The following PXK variants were observed in gnomAD, a reference collection of about 807,000 sequenced individuals.
PXK encodes the protein PX domain-containing protein kinase-like protein.
A neutral mutation model predicts 84.7 loss-of-function variants in PXK; 35 were observed. The observed-to-expected ratio is 0.41, with a 90% CI of 0.32 to 0.55. The LOEUF (loss-of-function observed/expected upper bound fraction) is 0.55. Ranked by LOEUF, PXK falls within the 20% of genes least tolerant of loss-of-function variation. PXK has a pLI of 0.21. For synonymous variants in PXK, 253 were observed against 260.8 expected (o/e 0.97, Z 0.29); for missense variants, 634 against 699.7 (o/e 0.91, Z 1.06).
intron 1 of PXK, among the ~76,000 whole-genome samples, chr3:58,355,735 T>C (rs2098062742): frequency 6.6e-6 from 1 of 152,200 alleles, no homozygotes; most frequent in South Asian, 2.1e-4. Context: ...CCCCCACCTC[T>C]GCACCCTCAG....
intron 1 of PXK, among the ~76,000 whole-genome samples, chr3:58,360,251 G>C (rs1205345791): frequency 6.6e-6 from 1 of 152,140 alleles, no homozygotes; most frequent in Non-Finnish European, 1.5e-5. Context: ...GTTGAACGTT[G>C]AATGTACCAT....
In PXK at chr3:58,347,924, G is replaced by GT. The variant is rs201225897; in HGVS notation, c.102+14841dup. On this transcript the variant is annotated intron_variant, in intron 1 of 17. Coordinates refer to ENST00000356151, the MANE Select transcript of PXK (RefSeq NM_017771.5). Reference sequence around the variant, plus strand: ...CTATGAGGCTAATGAACTTTGTTTTGTTTTTTTGAGACTGAGTCTCACTCT... The same window carrying GT: ...CTATGAGGCTAATGAACTTTGTTTTGTTTTTTTTGAGACTGAGTCTCACTCT... 8.3e-3 allele frequency among the ~76,000 whole-genome samples: 1,268 copies of GT among 152,126 alleles called. 19 individuals are homozygous for GT. The highest frequency in any genetic ancestry group is 0.029 in the African/African-American group (1,214 of 41,516).
chr3:58,350,446 C>G (rs1208767752), intron 1 of PXK, among the ~76,000 whole-genome samples: 1 of 152,096 alleles, frequency 6.6e-6, no homozygotes, highest in African/African-American at 2.4e-5. Context: ...GTCAGCTTCC[C>G]CCTGACTTGA....
chr3:58,345,373 G>T (rs982765155), intron 1 of PXK, among the ~76,000 whole-genome samples: 11 of 152,160 alleles, frequency 7.2e-5, no homozygotes, highest in Admixed American at 2.6e-4. Context: ...ATTTTATTTA[G>T]ATCAGTATAT....
chr3:58,384,725 T>C (rs1402719192), intron 4 of PXK, among the ~76,000 whole-genome samples: 1 of 152,206 alleles, frequency 6.6e-6, no homozygotes, highest in Non-Finnish European at 1.5e-5. Flanking sequence ...AATGTTCTCC[T>C]GAGGGCAAGC....
chr3:58,355,218 G>A (rs2098047013), intron 1 of PXK, among the ~76,000 whole-genome samples: 2 of 152,286 alleles, frequency 1.3e-5, no homozygotes, highest in Non-Finnish European at 2.9e-5. Context: ...GAGGGCACAA[G>A]TGTAGGTATC....
At chr3:58,394,891 CAATT>C (rs760834713) in intron 7 of PXK, 103 bp from the exon 8 acceptor site, 1 of 749,592 alleles carries the variant, frequency 1.3e-6, no homozygotes. Flanking sequence ...CATTCGTATG[CAATT>C]AAACCACCAC....
Position 58,407,084 on chromosome 3 carries a change from G to A in PXK, c.1231-1840G>A, listed in dbSNP as rs2059515454. Among the ~76,000 whole-genome samples the A allele has an allele frequency of 6.6e-6, 1 of 152,118 alleles. No homozygotes were observed. Among genetic ancestry groups the A allele is most frequent in the Non-Finnish European group, 1.5e-5 (1 of 68,014 alleles). ...TTCTTTTGGATGTATACCCAGAAGT[G>A]GAATTCCTCATATGGTAGTTCCATT... On this transcript the variant is annotated intron_variant, in intron 13 of 17. Coordinates refer to ENST00000356151, the MANE Select transcript of PXK (RefSeq NM_017771.5). This position sits in a 1 kb window ranked among gnomAD's most constrained non-coding sequence, Gnocchi z 4.3.
rs1456875123 is a variant in PXK at position 58,398,862 on chromosome 3, T to C, written c.1103-437T>C. ...GTGGGTAGAAAAATCTGGCTGCTCC[T>C]GTTAATAGCATCCAAGGTGTTGGAT... On this transcript the variant is annotated intron_variant, in intron 11 of 17. Transcript: ENST00000356151. The surrounding 1 kb of genome is among the most constrained non-coding windows in gnomAD (Gnocchi z 4.5). Among the ~76,000 whole-genome samples, 1 of 152,238 alleles carries C rather than the reference T, an allele frequency of 6.6e-6. No individual in the cohort carries two copies. The highest frequency in any genetic ancestry group is 2.4e-5 in the African/African-American group (1 of 41,464).
At chr3:58,417,583 C>T (rs183349133) in intron 17 of PXK, among the ~76,000 whole-genome samples, 14 of 152,284 alleles carry the variant, frequency 9.2e-5, no homozygotes, top group African/African-American at 3.1e-4. Context: ...GTGGGATTCT[C>T]TAATACTCTT....
Position 58,389,999 on chromosome 3 carries a change from CAAAAAAAAAAA to C in PXK, c.389-568_389-558del, listed in dbSNP as rs61380830. ...GGGTAACAAGAGTGAAACTCCGTCT[CAAAAAAAAAAA>C]AAAAAAAAAAAAAACAATTTAGCCA... On this transcript the variant is annotated intron_variant, in intron 4 of 17. Coordinates refer to ENST00000356151, the MANE Select transcript of PXK (RefSeq NM_017771.5). Among the ~76,000 whole-genome samples the C allele has an allele frequency of 2.0e-3, 101 of 51,642 alleles. 1 individual carries two copies. Among genetic ancestry groups the C allele is most frequent in the African/African-American group, 7.9e-3 (88 of 11,146 alleles). 33.9% of individuals were successfully genotyped at this position (51,642 alleles called of 152,430 possible).
Position 58,397,232 on chromosome 3 carries a change from C to T in PXK, c.984+32C>T. The T allele has an allele frequency of 6.2e-7, 1 of 1,601,122 alleles. No homozygotes were observed. The highest frequency in any genetic ancestry group is 8.6e-7 in the Non-Finnish European group (1 of 1,169,154). On this transcript the variant is annotated intron_variant, in intron 10 of 17. Coordinates refer to ENST00000356151, the MANE Select transcript of PXK (RefSeq NM_017771.5). This position sits in a 1 kb window ranked among gnomAD's most constrained non-coding sequence, Gnocchi z 4.7. ...TGCTAAAGTAATGAAATAGCAGGTT[C>T]ATTTTTAGGTGTCAGTTATCCCCAT...
At chr3:58,361,285 G>A in intron 1 of PXK, among the ~76,000 whole-genome samples, 1 of 111,288 alleles carries the variant, frequency 9.0e-6, no homozygotes, top group African/African-American at 3.6e-5. Context: ...GACAGAGCAA[G>A]ACTCTGTCTC....
rs991074617 is a variant in PXK, at chr3:58,390,108, G to A, written c.389-474G>A. ...TGGGAGGATCACTTGAGCCCAGGAG[G>A]TTGAGTTTGCAGTGAGCCATGATTG... On this transcript the variant is annotated intron_variant, in intron 4 of 17. Transcript: ENST00000356151. The surrounding 1 kb of genome is among the most constrained non-coding windows in gnomAD (Gnocchi z 4.2). Among the ~76,000 whole-genome samples the A allele has an allele frequency of 6.6e-6, 1 of 151,892 alleles. No individual in the cohort carries two copies. The highest frequency in any genetic ancestry group is 1.5e-5 in the Non-Finnish European group (1 of 67,990).
At chr3:58,367,822 A>C (rs995431963) in intron 2 of PXK, among the ~76,000 whole-genome samples, 1 of 152,080 alleles carries the variant, frequency 6.6e-6, no homozygotes, top group African/African-American at 2.4e-5. Context: ...AGCTGGAACT[A>C]TAGGCAGGTG....
intron 1 of PXK, among the ~76,000 whole-genome samples, chr3:58,347,056 A>G (rs7652027): frequency 0.39 from 59,870 of 151,856 alleles, 13,953 homozygotes; most frequent in African/African-American, 0.66. Context: ...GGCCAGGGTG[A>G]TCTCAAACTG....
At chr3:58,356,789 A>G (rs2098088888) in intron 1 of PXK, among the ~76,000 whole-genome samples, 1 of 151,138 alleles carries the variant, frequency 6.6e-6, no homozygotes, top group Non-Finnish European at 1.5e-5. Context: ...TTTTTAGTAG[A>G]GACGGGGTTT....
intron 17 of PXK, among the ~76,000 whole-genome samples, chr3:58,418,758 A>T (rs1195908636): frequency 6.6e-6 from 1 of 152,190 alleles, no homozygotes; most frequent in Non-Finnish European, 1.5e-5. Flanking sequence ...TTATGTTTTA[A>T]CCAATAATTT....
rs570334392 is a variant in PXK at position 58,413,282 on chromosome 3, C to T, written c.1528+319C>T. ...TCTTGGTACATGCTTAGCTGAACAA[C>T]ACAAATGCGCCGTGGCCCAGGGGTC... On this transcript the variant is annotated intron_variant, in intron 17 of 17. Coordinates refer to ENST00000356151, the MANE Select transcript of PXK (RefSeq NM_017771.5). 38 of 365,190 alleles carry T rather than the reference C, an allele frequency of 1.0e-4. No individual in the cohort carries two copies. In the Admixed American group the frequency reaches 1.1e-3, roughly 11 times the overall value. The allele number at this position is 365,190 out of a possible 1,614,324, so 22.6% of individuals were successfully genotyped here. A position where few individuals can be genotyped will look rare whatever the true frequency, so the allele number is the denominator to read the frequency against.
Sources: gnomAD v4.1 joint callset for allele counts (sites outside exome capture counted in the v4.1 genomes callset) on GRCh38, gnomAD v4.1.1 for gene constraint, Gnocchi (gnomAD v3.1) non-coding constraint, MANE v1.5 for transcripts, NCBI Gene and HGNC (gene_info 2026-07-23, HGNC 2026-07-21) for gene names.